Variants in EHBP1 observed in about 807,000 individuals in gnomAD.
The protein encoded by EHBP1 is EH domain binding protein 1.
Under a neutral mutation model 144.0 loss-of-function variants are expected in EHBP1, and 55 were observed. The observed-to-expected ratio is 0.38, with a 90% CI of 0.31 to 0.48. The LOEUF (loss-of-function observed/expected upper bound fraction) is 0.48. Among genes scored for constraint, EHBP1 ranks in the 20% least tolerant of loss-of-function variants. EHBP1 has a pLI of 0.98. For synonymous variants in EHBP1, 469 were observed against 472.7 expected (o/e 0.99, Z 0.10); for missense variants, 1,200 against 1,364.2 (o/e 0.88, Z 1.90).
chr2:62,683,414 C>T (rs949260998), intron 1 of EHBP1, among the ~76,000 whole-genome samples: 1 of 152,098 alleles, frequency 6.6e-6, no homozygotes, highest in Non-Finnish European at 1.5e-5. Flanking sequence ...AATCCCCGCA[C>T]TTTGGGAGGC....
Position 63,013,542 on chromosome 2 carries a change from T to A in EHBP1, c.3103+16776T>A, listed in dbSNP as rs150028927. Among the ~76,000 whole-genome samples the A allele has an allele frequency of 2.2e-3, 329 of 152,112 alleles. 1 individual carries two copies. The highest frequency in any genetic ancestry group is 7.6e-3 in the African/African-American group (316 of 41,518). On this transcript the variant is annotated intron_variant, in intron 19 of 22. Coordinates refer to ENST00000431489, the MANE Select transcript of EHBP1 (RefSeq NM_001142616.3). ...ACCCCCCCAAAAGACAAAGGCACAA[T>A]GAAATAGAAAGCTTACCACCGGTAG...
At chr2:62,776,126 A>G (rs1402701678) in intron 5 of EHBP1, among the ~76,000 whole-genome samples, 1 of 152,214 alleles carries the variant, frequency 6.6e-6, no homozygotes, top group Non-Finnish European at 1.5e-5. Context: ...ATCAGTCACT[A>G]GAATTCTTAA....
intron 9 of EHBP1, among the ~76,000 whole-genome samples, chr2:62,870,369 G>C (rs547192887): frequency 6.6e-6 from 1 of 152,272 alleles, no homozygotes; most frequent in East Asian, 1.9e-4. Flanking sequence ...CACAGGGACT[G>C]TTTGATTTTA....
intron 10 of EHBP1, among the ~76,000 whole-genome samples, chr2:62,912,035 T>C (rs572871188): frequency 1.3e-5 from 2 of 152,280 alleles, no homozygotes; most frequent in South Asian, 4.1e-4. Context: ...CTAGATTCTT[T>C]AATAGTATAC....
intron 7 of EHBP1, among the ~76,000 whole-genome samples, chr2:62,840,419 T>A (rs2152712531): frequency 7.1e-6 from 1 of 141,834 alleles, no homozygotes; most frequent in Non-Finnish European, 1.5e-5. Flanking sequence ...CATTCAGGAC[T>A]TAGGCATGGG....
chr2:63,017,320 G>A (rs1318088269), intron 19 of EHBP1, among the ~76,000 whole-genome samples: 6 of 152,140 alleles, frequency 3.9e-5, no homozygotes, highest in Non-Finnish European at 5.9e-5. Context: ...CACCGTCCCC[G>A]GCCCAGCCAA....
At chr2:62,996,874 T>G (rs949775732) in intron 19 of EHBP1, 108 bp downstream of exon 19, 1 of 1,490,856 alleles carries the variant, frequency 6.7e-7, no homozygotes, top group Non-Finnish European at 9.0e-7. Flanking sequence ...TCAGCAAAAC[T>G]GCCTTGAAAA....
chr2:62,713,507 G>A (rs2035363407), intron 2 of EHBP1, among the ~76,000 whole-genome samples: 1 of 152,094 alleles, frequency 6.6e-6, no homozygotes, highest in Admixed American at 6.5e-5. Context: ...GCCTCCCAAA[G>A]TACTGGGATT....
chr2:62,943,376 C>CAAAAAAAAAAAAAAAA (rs11306610), intron 11 of EHBP1, among the ~76,000 whole-genome samples: 3 of 87,848 alleles, frequency 3.4e-5, no homozygotes, highest in African/African-American at 1.4e-4. Flanking sequence ...AACTCCGTCT[C>CAAAAAAAAAAAAAAAA]AAAAAAAAAA....
chr2:63,014,811 C>G (rs564626768), intron 19 of EHBP1, among the ~76,000 whole-genome samples: 2 of 152,274 alleles, frequency 1.3e-5, no homozygotes, highest in Admixed American at 6.5e-5. Flanking sequence ...AACCCCGTCT[C>G]TACTAAAGAT....
chr2:62,757,019 T>C (rs1242644094), intron 3 of EHBP1, among the ~76,000 whole-genome samples: 1 of 152,206 alleles, frequency 6.6e-6, no homozygotes, highest in Non-Finnish European at 1.5e-5. Flanking sequence ...CCACTTTTTA[T>C]TGTGAAAGAC....
At position 62,857,417 on chromosome 2, in the gene EHBP1, C is replaced by T. The variant is rs1054889595; in HGVS notation, c.635-1752C>T. ...TATTTGTTCAATACATGAATAGTTG[C>T]AGGCAGCCATATTATAAATGCATAT... On this transcript the variant is annotated intron_variant, in intron 7 of 22. Coordinates refer to ENST00000431489, the MANE Select transcript of EHBP1 (RefSeq NM_001142616.3). Among the ~76,000 whole-genome samples, 5 of 152,102 alleles carry T rather than the reference C, an allele frequency of 3.3e-5. No homozygotes were observed. The East Asian group carries it at 9.6e-4, about 29-fold the overall frequency.
chr2:62,824,231 C>A (rs2046185497), intron 5 of EHBP1, among the ~76,000 whole-genome samples: 1 of 151,782 alleles, frequency 6.6e-6, no homozygotes, highest in Non-Finnish European at 1.5e-5. Context: ...ATAGCTTATT[C>A]AGTTATAAAA....
chr2:62,799,125 T>C lies in EHBP1; in HGVS notation c.313-26962T>C, dbSNP rs561266334. On this transcript the variant is annotated intron_variant, in intron 5 of 22. Transcript: ENST00000431489. ...CATATTAGATACTCTAAAGGAAAGA[T>C]GTATGGTTAGAGTTGGTAGTTTATA... Among the ~76,000 whole-genome samples, 91 of 152,128 alleles carry C rather than the reference T, an allele frequency of 6.0e-4. 1 individual carries two copies. The highest frequency in any genetic ancestry group is 1.4e-3 in the Admixed American group (22 of 15,276).
At chr2:62,687,990 C>T (rs532454679) in intron 1 of EHBP1, among the ~76,000 whole-genome samples, 33 of 152,276 alleles carry the variant, frequency 2.2e-4, no homozygotes, top group African/African-American at 7.7e-4. Flanking sequence ...AAGAGAGGGA[C>T]TTTCATAGAC....
At chr2:62,890,710 T>A (rs1337801575) in intron 10 of EHBP1, among the ~76,000 whole-genome samples, 1 of 152,142 alleles carries the variant, frequency 6.6e-6, no homozygotes, top group East Asian at 1.9e-4. Context: ...TTCCTCTCTC[T>A]CACATAGTAT....
At chr2:62,790,648 C>G (rs533730016) in intron 5 of EHBP1, among the ~76,000 whole-genome samples, 1 of 152,140 alleles carries the variant, frequency 6.6e-6, no homozygotes, top group Admixed American at 6.5e-5. Flanking sequence ...AAGTTATACA[C>G]GGTATAACAG....
chr2:62,981,761 A>T (rs2058983070), intron 15 of EHBP1, among the ~76,000 whole-genome samples: 1 of 152,200 alleles, frequency 6.6e-6, no homozygotes, highest in African/African-American at 2.4e-5. Flanking sequence ...TGAGGACTGG[A>T]TCTATAGAGT....
chr2:62,800,578 T>C (rs1289331409), intron 5 of EHBP1, among the ~76,000 whole-genome samples: 1 of 152,202 alleles, frequency 6.6e-6, no homozygotes, highest in Non-Finnish European at 1.5e-5. Flanking sequence ...GATGTAGTTG[T>C]TGTGAAACAG....
Sources: gnomAD v4.1 joint callset for allele counts (sites outside exome capture counted in the v4.1 genomes callset) on GRCh38, gnomAD v4.1.1 for gene constraint, MANE v1.5 for transcripts, NCBI Gene and HGNC (gene_info 2026-07-23, HGNC 2026-07-21) for gene names.